RNGTT: variants seen among roughly 807,000 people sequenced by gnomAD.
RNGTT encodes mRNA-capping enzyme.
RNGTT carries 33 observed loss-of-function variants against 79.3 expected under a neutral mutation model. The observed-to-expected ratio is 0.42, with a 90% CI of 0.32 to 0.56. RNGTT has a LOEUF of 0.56. RNGTT is among the 20% of genes least tolerant of loss of function. RNGTT has a pLI of 0.17. For synonymous variants in RNGTT, 222 were observed against 235.9 expected (o/e 0.94, Z 0.54); for missense variants, 497 against 739.1 (o/e 0.67, Z 3.80).
At chr6:88,683,969 T>C (rs966133297) in intron 13 of RNGTT, among the ~76,000 whole-genome samples, 1 of 152,046 alleles carries the variant, frequency 6.6e-6, no homozygotes, top group Non-Finnish European at 1.5e-5. Context: ...GAGTCATGAA[T>C]GCACCACTGT....
chr6:88,623,395 C>T (rs935225067), intron 14 of RNGTT, among the ~76,000 whole-genome samples: 2 of 152,012 alleles, frequency 1.3e-5, no homozygotes, highest in African/African-American at 4.8e-5. Context: ...GCTTCCAAAT[C>T]TGTTTCTTCT....
chr6:88,934,893 T>C (rs1422701660), intron 2 of RNGTT, among the ~76,000 whole-genome samples: 1 of 152,138 alleles, frequency 6.6e-6, no homozygotes, highest in African/African-American at 2.4e-5. Flanking sequence ...GGATTACAGG[T>C]GTAAGCCACT....
chr6:88,885,718 TTATC>T (rs1318838584), intron 8 of RNGTT, among the ~76,000 whole-genome samples: 4 of 152,228 alleles, frequency 2.6e-5, no homozygotes, highest in African/African-American at 9.6e-5. Context: ...AGACATGCCT[TTATC>T]AATAAATAAA....
chr6:88,940,968 T>C, intron 2 of RNGTT, 103 bp downstream of exon 2: 2 of 611,014 alleles, frequency 3.3e-6, no homozygotes, highest in South Asian at 4.8e-5. Flanking sequence ...CCCTTGAGTC[T>C]ATTAATTATT....
intron 12 of RNGTT, among the ~76,000 whole-genome samples, chr6:88,799,494 T>C (rs1329382778): frequency 6.6e-6 from 1 of 150,880 alleles, no homozygotes; most frequent in East Asian, 1.9e-4. Flanking sequence ...AGATCAGGAG[T>C]TCAATACCAG....
intron 12 of RNGTT, among the ~76,000 whole-genome samples, chr6:88,792,495 A>G (rs79074037): frequency 6.6e-6 from 1 of 152,382 alleles, no homozygotes; most frequent in East Asian, 1.9e-4. Flanking sequence ...AAGAGAATTT[A>G]TGAGTAAGAA....
intron 13 of RNGTT, among the ~76,000 whole-genome samples, chr6:88,744,030 C>A (rs1187873077): frequency 6.6e-6 from 1 of 151,962 alleles, no homozygotes; most frequent in East Asian, 1.9e-4. Flanking sequence ...CTTTTTTCCC[C>A]CAAAGAAATA....
Position 88,936,338 on chromosome 6 carries a change from G to A in RNGTT, c.174+4733C>T, listed in dbSNP as rs1222870487. ...TTAAGATTATATCATCAGCAATGAG[G>A]GACAGTTTGACTTTTTTTCCAATTT... On this transcript the variant is annotated intron_variant, in intron 2 of 15. Coordinates refer to ENST00000369485, the MANE Select transcript of RNGTT (RefSeq NM_003800.5). Among the ~76,000 whole-genome samples the A allele has an allele frequency of 4.6e-5, 7 of 152,220 alleles. No individual in the cohort carries two copies. The East Asian group carries it at 1.4e-3, about 29-fold the overall frequency.
In RNGTT at chr6:88,811,105, G is replaced by T. The variant is rs149683341; in HGVS notation, c.1270-9473C>A. Among the ~76,000 whole-genome samples the T allele has an allele frequency of 2.6e-5, 4 of 152,226 alleles. No individual in the cohort carries two copies. In the East Asian group the frequency reaches 7.7e-4, roughly 29 times the overall value. ...TTTAAAACACTTCTAACAAATAAAAGAATCTTAATTTAGAAATGGTTAATT... is the reference window on the plus strand; with the variant it reads ...TTTAAAACACTTCTAACAAATAAAATAATCTTAATTTAGAAATGGTTAATT... On this transcript the variant is annotated intron_variant, in intron 11 of 15. Coordinates refer to ENST00000369485, the MANE Select transcript of RNGTT (RefSeq NM_003800.5).
chr6:88,952,959 A>C (rs9353637), intron 1 of RNGTT, among the ~76,000 whole-genome samples: 6,354 of 152,300 alleles, frequency 0.042, 193 homozygotes, highest in African/African-American at 0.078. Context: ...GTGGGACAAA[A>C]GAATCTGAAC....
intron 12 of RNGTT, among the ~76,000 whole-genome samples, chr6:88,778,722 G>A (rs772769376): frequency 4.6e-5 from 7 of 152,054 alleles, no homozygotes; most frequent in South Asian, 2.1e-4. Flanking sequence ...TACTTCAAAC[G>A]GAAGTCCATA....
intron 13 of RNGTT, among the ~76,000 whole-genome samples, chr6:88,684,308 T>G (rs755192927): frequency 6.6e-6 from 1 of 152,206 alleles, no homozygotes; most frequent in Non-Finnish European, 1.5e-5. Flanking sequence ...ATAGCCCCTT[T>G]GGAAGACAGT....
At chr6:88,703,640 A>C (rs1318249041) in intron 13 of RNGTT, among the ~76,000 whole-genome samples, 1 of 152,340 alleles carries the variant, frequency 6.6e-6, no homozygotes, top group South Asian at 2.1e-4. Context: ...GCATCATACA[A>C]TATACCCAGG....
intron 13 of RNGTT, among the ~76,000 whole-genome samples, chr6:88,739,888 A>G (rs74626550): frequency 0.089 from 13,427 of 150,758 alleles, 646 homozygotes; most frequent in African/African-American, 0.1. Flanking sequence ...TATCCTTTAG[A>G]TATAATTTAT....
intron 13 of RNGTT, among the ~76,000 whole-genome samples, chr6:88,688,252 G>A (rs540349015): frequency 6.6e-6 from 1 of 152,274 alleles, no homozygotes; most frequent in East Asian, 1.9e-4. Flanking sequence ...TGTACAAAGA[G>A]TTACAAATAA....
At chr6:88,884,097 C>T (rs1782780892) in intron 8 of RNGTT, among the ~76,000 whole-genome samples, 1 of 152,224 alleles carries the variant, frequency 6.6e-6, no homozygotes, top group Non-Finnish European at 1.5e-5. Context: ...TGGTATCTAA[C>T]TAAACTTCAT....
chr6:88,650,618 A>C (rs755306936), intron 14 of RNGTT, among the ~76,000 whole-genome samples: 11 of 152,180 alleles, frequency 7.2e-5, no homozygotes, highest in Non-Finnish European at 1.5e-4. Flanking sequence ...AAATCGTGAA[A>C]ATGAGATATT....
At chr6:88,959,946 T>C (rs990995636) in intron 1 of RNGTT, among the ~76,000 whole-genome samples, 2 of 152,184 alleles carry the variant, frequency 1.3e-5, no homozygotes. Flanking sequence ...AAACTTTCAA[T>C]AACACCCCCT....
At chr6:88,945,715 C>T (rs1368563986) in intron 1 of RNGTT, among the ~76,000 whole-genome samples, 2 of 152,164 alleles carry the variant, frequency 1.3e-5, no homozygotes, top group African/African-American at 4.8e-5. Flanking sequence ...GAAAGACTAG[C>T]TTTCTCAGTT....
Sources: allele counts gnomAD v4.1 joint callset (sites outside exome capture counted in the v4.1 genomes callset), GRCh38; gene constraint gnomAD v4.1.1; transcripts MANE v1.5; gene names NCBI Gene and HGNC (gene_info 2026-07-23, HGNC 2026-07-21).